The following AXL variants were observed in gnomAD, a reference collection of about 807,000 sequenced individuals.
The protein encoded by AXL is AXL receptor tyrosine kinase.
In AXL, 52 loss-of-function variants were observed where a neutral mutation model predicts 104.5. The observed-to-expected ratio is 0.50, with a 90% CI of 0.40 to 0.63. AXL has a LOEUF of 0.63. AXL is among the 20% of genes least tolerant of loss of function. The pLI is 0.00. For missense variants in AXL, 1,024 were observed against 1,188.5 expected (o/e 0.86, Z 2.04); for synonymous variants, 455 against 473.7 (o/e 0.96, Z 0.51).
At position 41,239,332 on chromosome 19, in the gene AXL, C is replaced by G. The variant is rs751061294; in HGVS notation, c.1285+18C>G. The G allele has an allele frequency of 6.5e-7, 1 of 1,550,332 alleles. No homozygotes were observed. Among genetic ancestry groups the G allele is most frequent in the Admixed American group, 2.0e-5 (1 of 50,286 alleles). ...GCGCCCAGGTAAGTCCAAAGCCATGCCCAACCTGCTTCAACCCTGTCTCTC... is the reference window on the plus strand; with the variant it reads ...GCGCCCAGGTAAGTCCAAAGCCATGGCCAACCTGCTTCAACCCTGTCTCTC... On this transcript the variant is annotated intron_variant, in intron 9 of 19. Coordinates refer to ENST00000301178, the MANE Select transcript of AXL (RefSeq NM_021913.5).
At chr19:41,240,380 A>ATGGG (rs2034161638) in intron 10 of AXL, among the ~76,000 whole-genome samples, 2 of 150,206 alleles carry the variant, frequency 1.3e-5, no homozygotes, top group Non-Finnish European at 3.0e-5. Flanking sequence ...AGATGGGTGG[A>ATGGG]TGGATGGATG....
intron 17 of AXL, 90 bp downstream of exon 17, chr19:41,253,798 TA>T (rs2034409080): frequency 9.2e-7 from 1 of 1,081,978 alleles, no homozygotes; most frequent in Non-Finnish European, 1.4e-6. Flanking sequence ...GAAGCAGGGC[TA>T]GACACCCGCT....
In AXL at chr19:41,221,862, C is replaced by CA; in HGVS notation, c.410-17dup. ...GCCTCAGAGGGACCCCAGCCTCTAC[C>CA]ACTGCCCACCCCGCTAGGCTTGCCT... On this transcript the variant is annotated splice_polypyrimidine_tract_variant and intron_variant, in intron 3 of 19. Coordinates refer to ENST00000301178, the MANE Select transcript of AXL (RefSeq NM_021913.5). The CA allele has an allele frequency of 8.1e-6, 13 of 1,611,978 alleles. No homozygotes were observed. Among genetic ancestry groups the CA allele is most frequent in the Non-Finnish European group, 1.1e-5 (13 of 1,179,272 alleles).
intron 11 of AXL, 60 bp from the exon 12 acceptor site, chr19:41,243,556 G>C (rs2034219352): frequency 1.5e-6 from 2 of 1,327,000 alleles, no homozygotes; most frequent in Non-Finnish European, 2.2e-6. Flanking sequence ...TCAACTGCTG[G>C]TTGAGTAGGG....
rs779526458 is a variant in AXL at position 41,238,146 on chromosome 19, C to T, written c.986C>T (p.Pro329Leu). 28 of 1,613,912 alleles carry T rather than the reference C, an allele frequency of 1.7e-5. No homozygotes were observed. The highest frequency in any genetic ancestry group is 8.9e-5 in the East Asian group (4 of 44,898). ...SWTHWLPVETPEGVPLGPPEN... is the reference protein window; with the variant it reads ...SWTHWLPVETLEGVPLGPPEN... Reference sequence around the variant, plus strand: ...ACCCACTGGCTTCCTGTGGAGACGCCGGAGGGAGGTAAGAAGGGTTGGGGA... The same window carrying T: ...ACCCACTGGCTTCCTGTGGAGACGCTGGAGGGAGGTAAGAAGGGTTGGGGA... Residue 329 changes from proline to leucine, a missense_variant, in exon 7 of 20, where the codon CCG (proline) becomes CTG (leucine). Coordinates refer to ENST00000301178, the MANE Select transcript of AXL (RefSeq NM_021913.5).
At chr19:41,237,074 C>A (rs1419790092) in intron 6 of AXL, among the ~76,000 whole-genome samples, 4 of 152,124 alleles carry the variant, frequency 2.6e-5, no homozygotes, top group African/African-American at 9.7e-5. Context: ...GTTTAACACA[C>A]ATATTCACCA....
intron 12 of AXL, 57 bp downstream of exon 12, chr19:41,243,764 T>C (rs2034225150): frequency 2.0e-6 from 3 of 1,493,868 alleles, no homozygotes; most frequent in Non-Finnish European, 2.8e-6. Flanking sequence ...GTAGAGAATC[T>C]GGCCTGCTGG....
intron 19 of AXL, among the ~76,000 whole-genome samples, chr19:41,258,967 G>C (rs1051651909): frequency 6.6e-6 from 1 of 152,188 alleles, no homozygotes; most frequent in African/African-American, 2.4e-5. Flanking sequence ...TCACATGGCT[G>C]TAGCAGGAGG....
intron 19 of AXL, 64 bp from the exon 20 acceptor site, chr19:41,259,489 G>A: frequency 7.0e-7 from 1 of 1,420,034 alleles, no homozygotes; most frequent in Non-Finnish European, 9.6e-7. Flanking sequence ...ATGTCCCCAG[G>A]CTTCCAGAAT....
At chr19:41,251,976 G>T (rs1459031852) in intron 14 of AXL, among the ~76,000 whole-genome samples, 1 of 151,242 alleles carries the variant, frequency 6.6e-6, no homozygotes, top group Non-Finnish European at 1.5e-5. Flanking sequence ...AGCCGGGTGT[G>T]GTGGCACACG....
intron 17 of AXL, among the ~76,000 whole-genome samples, chr19:41,255,032 C>T (rs2034430737): frequency 6.6e-6 from 1 of 152,178 alleles, no homozygotes; most frequent in Non-Finnish European, 1.5e-5. Context: ...TATTTCTTAG[C>T]CCCAGCAGGC....
chr19:41,219,847 A>G (rs1654648), intron 1 of AXL, among the ~76,000 whole-genome samples: 78,214 of 150,850 alleles, frequency 0.52, 20,766 homozygotes, highest in African/African-American at 0.64. Flanking sequence ...CGAGTCAGGC[A>G]GTGGGATGAG....
Position 41,238,611 on chromosome 19 carries a change from TG to T in AXL, c.1134+5del. 6.2e-7 allele frequency: 1 copy of T among 1,601,372 alleles called. No homozygotes were observed. Among genetic ancestry groups the T allele is most frequent in the South Asian group, 1.1e-5 (1 of 90,264 alleles). On this transcript the variant is annotated splice_donor_region_variant and intron_variant, in intron 8 of 19. Coordinates refer to ENST00000301178, the MANE Select transcript of AXL (RefSeq NM_021913.5). Reference sequence around the variant, plus strand: ...TATCAAGGCCAGGACACCCCAGAGGTGGGTGCTGCTGGTGGGATTGGAGTGG... The same window carrying T: ...TATCAAGGCCAGGACACCCCAGAGGTGGTGCTGCTGGTGGGATTGGAGTGG...
At chr19:41,235,252 G>A (rs1384045775) in intron 6 of AXL, among the ~76,000 whole-genome samples, 1 of 152,108 alleles carries the variant, frequency 6.6e-6, no homozygotes, top group African/African-American at 2.4e-5. Flanking sequence ...TCAGGAGGTT[G>A]AGGCAAGAGA....
chr19:41,230,173 CTG>C (rs1018381813), intron 4 of AXL, among the ~76,000 whole-genome samples: 13 of 148,946 alleles, frequency 8.7e-5, no homozygotes, highest in African/African-American at 5.0e-5. Flanking sequence ...GTGTCTGTGT[CTG>C]TGTGTGAGCA....
Position 41,259,986 on chromosome 19 carries a change from A to G in AXL, c.*82A>G, listed in dbSNP as rs531489464. Reference sequence around the variant, plus strand: ...GAAAACTCCACCTTCCCACTTTCCCACCCCACGCCTTATCCCCACTTGCAG... The same window carrying G: ...GAAAACTCCACCTTCCCACTTTCCCGCCCCACGCCTTATCCCCACTTGCAG... On this transcript the variant is annotated 3_prime_UTR_variant, in exon 20 of 20. Transcript: ENST00000301178. 1.6e-6 allele frequency: 2 copies of G among 1,282,106 alleles called. No individual in the cohort carries two copies. The highest frequency in any genetic ancestry group is 5.1e-5 in the East Asian group (2 of 39,076). The allele number at this position is 1,282,106 out of a possible 1,614,324, so 79.4% of individuals were successfully genotyped here. A position where few individuals can be genotyped will look rare whatever the true frequency, so the allele number is the denominator to read the frequency against.
At chr19:41,231,654 C>T (rs950124020) in intron 6 of AXL, among the ~76,000 whole-genome samples, 5 of 152,188 alleles carry the variant, frequency 3.3e-5, no homozygotes, top group South Asian at 2.1e-4. Context: ...TGGCCAGGCG[C>T]GGTGGCTCAC....
Position 41,252,470 on chromosome 19 carries a change from C to T in AXL, c.1804+27C>T, listed in dbSNP as rs752641833. ...TGAGAGAGGGGCAGATTCAAGGGGTCTACAAGCCCCATGGGGGCCATAGCA... is the reference window on the plus strand; with the variant it reads ...TGAGAGAGGGGCAGATTCAAGGGGTTTACAAGCCCCATGGGGGCCATAGCA... On this transcript the variant is annotated intron_variant, in intron 15 of 19. Transcript: ENST00000301178. The T allele has an allele frequency of 4.2e-5, 67 of 1,608,058 alleles. No individual in the cohort carries two copies. In the Middle Eastern group the frequency reaches 4.9e-4, roughly 12 times the overall value.
chr19:41,239,786 A>G (rs368946965), intron 10 of AXL, 66 bp downstream of exon 10: 19 of 1,573,008 alleles, frequency 1.2e-5, no homozygotes, highest in African/African-American at 9.5e-5. Context: ...CACTGTCACC[A>G]TGCATACTCA....
Sources: gnomAD v4.1 joint callset for allele counts (sites outside exome capture counted in the v4.1 genomes callset) on GRCh38, gnomAD v4.1.1 for gene constraint, MANE v1.5 for transcripts, NCBI Gene and HGNC (gene_info 2026-07-23, HGNC 2026-07-21) for gene names.